Variants in ASXL2 observed in about 807,000 individuals in gnomAD.
ASXL2 encodes putative Polycomb group protein ASXL2.
In ASXL2, 23 loss-of-function variants were observed where a neutral mutation model predicts 122.0. The observed-to-expected ratio is 0.19, with a 90% CI of 0.14 to 0.27. ASXL2 has a LOEUF of 0.27. Among genes scored for constraint, ASXL2 ranks in the 10% least tolerant of loss-of-function variants. ASXL2 has a pLI of 1.00. For missense variants in ASXL2, 1,518 were observed against 1,713.8 expected (o/e 0.89, Z 2.02); for synonymous variants, 650 against 637.0 (o/e 1.02, Z -0.31).
intron 3 of ASXL2, chr2:25,810,304 C>T (rs538896040): frequency 1.7e-5 from 11 of 646,800 alleles, no homozygotes; most frequent in Admixed American, 1.5e-4. Context: ...TTCCTATCTG[C>T]CTATTCTGCA....
At chr2:25,810,292 A>G in intron 3 of ASXL2, 2 of 638,720 alleles carry the variant, frequency 3.1e-6, no homozygotes, top group Non-Finnish European at 5.9e-6. Context: ...ACCTCTTCAT[A>G]CTTCCTATCT....
chr2:25,750,512 A>G (rs1398836528), intron 11 of ASXL2, 99 bp from the exon 12 acceptor site: 11 of 1,018,762 alleles, frequency 1.1e-5, no homozygotes, highest in Non-Finnish European at 1.4e-5. Context: ...GCCTAGGAGA[A>G]CCCCTGACAC....
intron 8 of ASXL2, 98 bp downstream of exon 8, chr2:25,767,485 C>A (rs2088371760): frequency 1.5e-6 from 2 of 1,301,964 alleles, no homozygotes; most frequent in Non-Finnish European, 1.1e-6. Flanking sequence ...TAACTCAAAT[C>A]TAAGTTATAA....
intron 3 of ASXL2, among the ~76,000 whole-genome samples, chr2:25,821,863 C>G (rs1266983818): frequency 1.3e-5 from 2 of 152,140 alleles, no homozygotes; most frequent in African/African-American, 4.8e-5. Context: ...GTTTCTGGAC[C>G]TGCACTATGA....
intron 5 of ASXL2, among the ~76,000 whole-genome samples, chr2:25,779,288 A>G (rs1219144895): frequency 6.6e-6 from 1 of 151,424 alleles, no homozygotes; most frequent in Admixed American, 6.6e-5. Flanking sequence ...AGTAGAGACG[A>G]GGTTTTGCCA....
intron 1 of ASXL2, among the ~76,000 whole-genome samples, chr2:25,857,330 C>A (rs763744128): frequency 1.4e-4 from 22 of 152,144 alleles, no homozygotes; most frequent in Non-Finnish European, 2.8e-4. Flanking sequence ...ACTATCTAGA[C>A]ACAAGAGAGT....
intron 5 of ASXL2, among the ~76,000 whole-genome samples, chr2:25,775,091 G>A (rs559735317): frequency 9.2e-4 from 139 of 151,896 alleles, no homozygotes; most frequent in Non-Finnish European, 1.7e-3. Flanking sequence ...TTAGTCTTCT[G>A]ATATGGTTTG....
chr2:25,837,772 G>A (rs545576537), intron 2 of ASXL2, among the ~76,000 whole-genome samples: 68 of 151,580 alleles, frequency 4.5e-4, no homozygotes, highest in African/African-American at 1.6e-3. Context: ...ATCACTTGAG[G>A]CTGGGAGGTT....
chr2:25,757,027 C>T (rs1322190948), intron 9 of ASXL2, among the ~76,000 whole-genome samples: 1 of 152,068 alleles, frequency 6.6e-6, no homozygotes, highest in Non-Finnish European at 1.5e-5. Flanking sequence ...TTTTTTAACC[C>T]CAAATCTGCT....
At chr2:25,820,455 A>G (rs2089295347) in intron 3 of ASXL2, among the ~76,000 whole-genome samples, 1 of 152,248 alleles carries the variant, frequency 6.6e-6, no homozygotes, top group Admixed American at 6.5e-5. Flanking sequence ...AATTTGGACC[A>G]ATGAAAAGAA....
chr2:25,797,703 C>A (rs1182828748), intron 5 of ASXL2, among the ~76,000 whole-genome samples: 1 of 152,206 alleles, frequency 6.6e-6, no homozygotes. Flanking sequence ...ACACACCTAT[C>A]AGGCCAAAAT....
At chr2:25,745,747 G>C (rs1423701024) in intron 12 of ASXL2, among the ~76,000 whole-genome samples, 4 of 148,062 alleles carry the variant, frequency 2.7e-5, no homozygotes, top group African/African-American at 5.0e-5. Context: ...GGGTTCAAGT[G>C]ATTCTTGTGG....
chr2:25,817,566 GCAT>G (rs2089252987), intron 3 of ASXL2, among the ~76,000 whole-genome samples: 1 of 152,062 alleles, frequency 6.6e-6, no homozygotes, highest in African/African-American at 2.4e-5. Flanking sequence ...GGGTTATCAG[GCAT>G]CATTTCTACA....
chr2:25,860,846 T>C (rs532550443), intron 1 of ASXL2, among the ~76,000 whole-genome samples: 2 of 152,106 alleles, frequency 1.3e-5, no homozygotes, highest in African/African-American at 4.8e-5. Flanking sequence ...ATCCCATCCC[T>C]ACAAAAAATA....
chr2:25,810,180 A>T (rs1288430107), intron 3 of ASXL2: 2 of 576,672 alleles, frequency 3.5e-6, no homozygotes, highest in East Asian at 8.9e-5. Flanking sequence ...ATGGTCCATC[A>T]GTCTCATCTG....
In ASXL2 at chr2:25,743,647, T is replaced by C; in HGVS notation, c.2690A>G (p.Glu897Gly). 1 of 1,613,986 alleles carries C rather than the reference T, an allele frequency of 6.2e-7. No homozygotes were observed. The highest frequency in any genetic ancestry group is 8.5e-7 in the Non-Finnish European group (1 of 1,179,894). Residue 897 changes from glutamate (E) to glycine (G), a missense_variant, in exon 13 of 13, where the codon GAA (glutamate) becomes GGA (glycine). Around this residue, in one of 8 missense-constraint regions of ASXL2, gnomAD observed 831 missense variants for 833.1 expected, o/e 1.00. Transcript: ENST00000435504. ...LTSLLTTATL[E>G]KLPVPQVSAT... Reference sequence around the variant, plus strand: ...ACTGACCTGGGGTACAGGAAGCTTTTCTAAAGTGGCTGTGGTCAATAAAGA... The same window carrying C: ...ACTGACCTGGGGTACAGGAAGCTTTCCTAAAGTGGCTGTGGTCAATAAAGA...
intron 11 of ASXL2, among the ~76,000 whole-genome samples, chr2:25,751,378 G>T (rs1176766466): frequency 2.6e-5 from 4 of 152,182 alleles, no homozygotes; most frequent in African/African-American, 9.7e-5. Context: ...AGTGGCTCAT[G>T]CCTGTAATCC....
chr2:25,859,929 A>T (rs769443779), intron 1 of ASXL2, among the ~76,000 whole-genome samples: 6 of 152,008 alleles, frequency 3.9e-5, no homozygotes, highest in Non-Finnish European at 5.9e-5. Context: ...CTCACCTCTA[A>T]TCCCAGCACT....
At chr2:25,870,154 GC>G (rs1444968728) in intron 1 of ASXL2, among the ~76,000 whole-genome samples, 1 of 152,148 alleles carries the variant, frequency 6.6e-6, no homozygotes. Context: ...CAACTCAGAT[GC>G]ATCTTCAGAA....
Sources: allele counts gnomAD v4.1 joint callset (sites outside exome capture counted in the v4.1 genomes callset), GRCh38; gene constraint gnomAD v4.1.1; regional missense constraint gnomAD v4.1.1; transcripts MANE v1.5; gene names NCBI Gene and HGNC (gene_info 2026-07-23, HGNC 2026-07-21).